The following ANKRD42 variants were observed in gnomAD, a reference collection of about 807,000 sequenced individuals.
ANKRD42 encodes ankyrin repeat domain-containing protein 42.
Under a neutral mutation model 51.5 loss-of-function variants are expected in ANKRD42, and 43 were observed. The ratio of observed to expected loss-of-function variants is 0.83; its 90% confidence interval spans 0.65 to 1.08. The LOEUF (loss-of-function observed/expected upper bound fraction) is 1.08, where lower values mean the gene tolerates loss of function less well. Among genes scored for constraint, ANKRD42 ranks in the 50% least tolerant of loss-of-function variants. ANKRD42 has a pLI of 0.00. For synonymous variants in ANKRD42, 203 were observed against 213.0 expected, an observed-to-expected ratio of 0.95 and a Z score of 0.41; for missense variants, 608 against 629.3, an observed-to-expected ratio of 0.97 and a Z score of 0.36.
At position 83,212,975 on chromosome 11, in the gene ANKRD42, G is replaced by A. The variant is rs573975203; in HGVS notation, c.586+1545G>A. 34 of 1,593,258 alleles carry A rather than the reference G, an allele frequency of 2.1e-5. 1 individual carries two copies. In the East Asian group the frequency reaches 2.2e-4, roughly 10 times the overall value. ...AAGCCCCTCTCTCGGCGCTGCCTACGGAGGTGGCAGCCATCTCCTCCTCAG... is the reference window on the plus strand; with the variant it reads ...AAGCCCCTCTCTCGGCGCTGCCTACAGAGGTGGCAGCCATCTCCTCCTCAG... On this transcript the variant is annotated intron_variant, in intron 5 of 10. Coordinates refer to ENST00000533342, the MANE Select transcript of ANKRD42 (RefSeq NM_001300975.2).
intron 3 of ANKRD42, 120 bp downstream of exon 3, chr11:83,206,285 C>G: frequency 1.3e-6 from 1 of 761,956 alleles, no homozygotes; most frequent in Non-Finnish European, 2.1e-6. Context: ...CAAGAACTTA[C>G]TGGATTCCAC....
chr11:83,205,644 C>T (rs1862042518), intron 2 of ANKRD42, among the ~76,000 whole-genome samples: 1 of 152,134 alleles, frequency 6.6e-6, no homozygotes, highest in Non-Finnish European at 1.5e-5. Flanking sequence ...GATGCAAAAG[C>T]TCTGGACCCG....
rs201687016 is a variant in ANKRD42 at position 83,225,073 on chromosome 11, A to G, written c.787+18A>G. 10 of 1,586,326 alleles carry G rather than the reference A, an allele frequency of 6.3e-6. No individual in the cohort carries two copies. Among genetic ancestry groups the G allele is most frequent in the Non-Finnish European group, 7.8e-6 (9 of 1,158,100 alleles). ...TCAGGAAAGTAAGTAATTAAGTTAT[A>G]TGTTCTAGCATATAATGTGATGATG... On this transcript the variant is annotated intron_variant, in intron 6 of 10. Transcript: ENST00000533342.
intron 9 of ANKRD42, among the ~76,000 whole-genome samples, chr11:83,241,600 T>C (rs1015555687): frequency 2.0e-5 from 3 of 152,012 alleles, no homozygotes; most frequent in Non-Finnish European, 4.4e-5. Flanking sequence ...TTGAGTAGAA[T>C]CCCTAAGGAA....
intron 3 of ANKRD42, among the ~76,000 whole-genome samples, chr11:83,207,224 C>T (rs930242341): frequency 4.6e-5 from 7 of 152,180 alleles, no homozygotes; most frequent in African/African-American, 9.7e-5. Context: ...TAACCACCCC[C>T]ATGATTCAAT....
At chr11:83,210,471 G>T in intron 4 of ANKRD42, 52 bp downstream of exon 4, 2 of 1,586,584 alleles carry the variant, frequency 1.3e-6, no homozygotes, top group Non-Finnish European at 1.7e-6. Flanking sequence ...AGATGGAATA[G>T]CATTTGGTAG....
intron 8 of ANKRD42, among the ~76,000 whole-genome samples, chr11:83,238,797 T>A (rs1863298915): frequency 6.7e-6 from 1 of 149,538 alleles, no homozygotes; most frequent in South Asian, 2.1e-4. Context: ...ACCATTGCAC[T>A]CCAGTCTGGG....
At chr11:83,219,378 C>T (rs550295751) in intron 5 of ANKRD42, among the ~76,000 whole-genome samples, 14 of 152,316 alleles carry the variant, frequency 9.2e-5, no homozygotes, top group Admixed American at 2.6e-4. Flanking sequence ...AGGCCTGGGT[C>T]GGGGGCACCA....
In ANKRD42 at chr11:83,240,858, A is replaced by G. The variant is rs373546331; in HGVS notation, c.1119A>G (p.Ile373Met). Residue 373 changes from isoleucine (I) to methionine (M), a missense_variant, in exon 9 of 11, where the codon ATA becomes ATG. Ile to Met is a conservative substitution (Grantham distance 10). Coordinates refer to ENST00000533342, the MANE Select transcript of ANKRD42 (RefSeq NM_001300975.2). ...ATGAAAATGATGTGAAATATTTTATAAGACATGGTGTTGAGGGAAGCACTG... is the reference window on the plus strand; with the variant it reads ...ATGAAAATGATGTGAAATATTTTATGAGACATGGTGTTGAGGGAAGCACTG... ...EIDENDVKYF[I>M]RHGVEGSTDA... is the part of the protein sequence containing the mutation. 4 of 1,614,026 alleles carry G rather than the reference A, an allele frequency of 2.5e-6. No homozygotes were observed. The African/African-American group carries it at 5.3e-5, about 22-fold the overall frequency.
In ANKRD42 at chr11:83,194,602, G is replaced by A. The variant is rs1861553455; in HGVS notation, c.-69G>A. ...CCGCTGCAGTGGCTCGTGGGTGAGA[G>A]CAAGTGAAGACCGCCGCAGCATCAG... On this transcript the variant is annotated 5_prime_UTR_variant, in exon 1 of 11. Transcript: ENST00000533342. 2 of 1,507,034 alleles carry A rather than the reference G, an allele frequency of 1.3e-6. No homozygotes were observed. The highest frequency in any genetic ancestry group is 9.1e-7 in the Non-Finnish European group (1 of 1,093,266). The allele number at this position is 1,507,034 out of a possible 1,614,324, so 93.4% of individuals were successfully genotyped here.
At chr11:83,262,003 C>T (rs645954), downstream of ANKRD42, 940,899 of 1,405,464 alleles carry the variant, frequency 0.67, 319,801 homozygotes, top group African/African-American at 0.85. Flanking sequence ...GGTCTTGTAT[C>T]TGTAATTATT....
intron 1 of ANKRD42, among the ~76,000 whole-genome samples, chr11:83,196,895 C>A (rs1227632620): frequency 6.6e-6 from 1 of 152,090 alleles, no homozygotes; most frequent in African/African-American, 2.4e-5. Flanking sequence ...AGTGACCAAC[C>A]AGTGGCAGTT....
At chr11:83,197,420 ATAAT>A (rs2135474119) in intron 1 of ANKRD42, among the ~76,000 whole-genome samples, 1 of 152,374 alleles carries the variant, frequency 6.6e-6, no homozygotes, top group East Asian at 1.9e-4. Context: ...GAGCAAAGAT[ATAAT>A]TAGAGTATAT....
At chr11:83,202,660 C>T (rs554005590) in intron 2 of ANKRD42, among the ~76,000 whole-genome samples, 12 of 152,308 alleles carry the variant, frequency 7.9e-5, no homozygotes, top group Admixed American at 6.5e-4. Context: ...AGTCAGTACC[C>T]ACTTGGTAAA....
At chr11:83,213,134 A>T (rs1251055189) in intron 5 of ANKRD42, 2 of 1,601,866 alleles carry the variant, frequency 1.2e-6, no homozygotes, top group Non-Finnish European at 8.5e-7. Flanking sequence ...TATTGACAAC[A>T]GGGTTCGTAG....
At chr11:83,210,210 A>G in intron 3 of ANKRD42, 90 bp from the exon 4 acceptor site, 1 of 1,309,996 alleles carries the variant, frequency 7.6e-7, no homozygotes, top group African/African-American at 1.5e-5. Context: ...CTATAGATTA[A>G]TAAATTGCTT....
At chr11:83,218,710 G>A (rs1862619800) in intron 5 of ANKRD42, among the ~76,000 whole-genome samples, 1 of 152,140 alleles carries the variant, frequency 6.6e-6, no homozygotes, top group Admixed American at 6.5e-5. Flanking sequence ...GGTGGGGCTG[G>A]ATGAAGGAGA....
intron 7 of ANKRD42, among the ~76,000 whole-genome samples, chr11:83,234,432 C>T (rs1197267346): frequency 1.3e-5 from 2 of 152,046 alleles, no homozygotes; most frequent in Non-Finnish European, 2.9e-5. Flanking sequence ...TTAATTATTT[C>T]AAGTCATTTC....
chr11:83,249,089 A>G, downstream of ANKRD42: 8 of 697,012 alleles, frequency 1.1e-5, no homozygotes, highest in Non-Finnish European at 1.4e-5. Context: ...TAGAGGACAC[A>G]GCACCATTTA....
Sources: allele counts gnomAD v4.1 joint callset (sites outside exome capture counted in the v4.1 genomes callset), GRCh38; gene constraint gnomAD v4.1.1; transcripts MANE v1.5; gene names NCBI Gene and HGNC (gene_info 2026-07-23, HGNC 2026-07-21).